PDE4B: variants seen among roughly 807,000 people sequenced by gnomAD.
PDE4B encodes phosphodiesterase 4B, also known as 3',5'-cyclic-AMP phosphodiesterase 4B.
PDE4B carries 20 observed loss-of-function variants against 82.2 expected under a neutral mutation model. That is an observed-to-expected ratio of 0.24 (90% CI 0.17 to 0.35). The LOEUF is 0.35. PDE4B is among the 10% of genes least tolerant of loss of function. PDE4B has a pLI of 1.00. For missense variants in PDE4B, 655 were observed against 907.2 expected (o/e 0.72, Z 3.57); for synonymous variants, 320 against 318.9 (o/e 1.00, Z -0.04).
chr1:66,034,008 C>A (rs1653940637), intron 3 of PDE4B, among the ~76,000 whole-genome samples: 1 of 152,126 alleles, frequency 6.6e-6, no homozygotes, highest in Non-Finnish European at 1.5e-5. Context: ...TCAGAATTCT[C>A]TCCCTTAATC....
At chr1:66,022,523 T>C (rs931238800) in intron 3 of PDE4B, among the ~76,000 whole-genome samples, 2 of 152,220 alleles carry the variant, frequency 1.3e-5, no homozygotes, top group Non-Finnish European at 2.9e-5. Flanking sequence ...TGTAGGGCTG[T>C]TGAATTTTGT....
chr1:66,293,227 A>G (rs1657240805), intron 7 of PDE4B, among the ~76,000 whole-genome samples: 1 of 152,152 alleles, frequency 6.6e-6, no homozygotes, highest in Non-Finnish European at 1.5e-5. Flanking sequence ...GCTTGCTTGG[A>G]CAAGTGTCTC....
intron 6 of PDE4B, among the ~76,000 whole-genome samples, chr1:66,262,425 G>A (rs1654751116): frequency 6.6e-6 from 1 of 152,204 alleles, no homozygotes; most frequent in South Asian, 2.1e-4. Flanking sequence ...GCCAGGATTA[G>A]GATTCCTGTC....
chr1:66,118,220 G>A lies in PDE4B; in HGVS notation c.282-129240G>A, dbSNP rs1462708507. ...ATTTGACCCAGCCATCCCATTACTGGGTATATGCCCAAAGGATTATAAATC... is the reference window on the plus strand; with the variant it reads ...ATTTGACCCAGCCATCCCATTACTGAGTATATGCCCAAAGGATTATAAATC... On this transcript the variant is annotated intron_variant, in intron 3 of 16. Coordinates refer to ENST00000341517, the MANE Select transcript of PDE4B (RefSeq NM_002600.4). 2.0e-5 allele frequency among the ~76,000 whole-genome samples: 3 copies of A among 151,964 alleles called. No individual in the cohort carries two copies. The East Asian group carries it at 5.8e-4, about 29-fold the overall frequency.
chr1:66,337,715 C>T (rs770035582), intron 8 of PDE4B, among the ~76,000 whole-genome samples: 30 of 152,166 alleles, frequency 2.0e-4, no homozygotes, highest in Non-Finnish European at 2.9e-4. Flanking sequence ...TTTAGACTTA[C>T]AGTGTGTGGC....
At chr1:66,201,580 G>T (rs1084484) in intron 3 of PDE4B, among the ~76,000 whole-genome samples, 1 of 147,116 alleles carries the variant, frequency 6.8e-6, no homozygotes, top group South Asian at 2.2e-4. Context: ...TTGGGAGGGC[G>T]TATGTGTCGA....
At chr1:66,181,672 C>A (rs2101405752) in intron 3 of PDE4B, among the ~76,000 whole-genome samples, 1 of 152,134 alleles carries the variant, frequency 6.6e-6, no homozygotes, top group Non-Finnish European at 1.5e-5. Context: ...ATTTTTACTC[C>A]CAATCTTCTC....
intron 6 of PDE4B, among the ~76,000 whole-genome samples, chr1:66,262,189 A>T (rs181793433): frequency 1.1e-4 from 17 of 152,338 alleles, no homozygotes; most frequent in Admixed American, 9.8e-4. Flanking sequence ...TTGGCATGTG[A>T]ATTAAATTAA....
At chr1:65,874,050 C>A (rs540655486) in intron 1 of PDE4B, among the ~76,000 whole-genome samples, 3 of 151,838 alleles carry the variant, frequency 2.0e-5, no homozygotes, top group Admixed American at 2.0e-4. Flanking sequence ...TACCCATGAG[C>A]ACGGAATGTT....
chr1:66,364,534 C>G (rs1198524980), intron 12 of PDE4B, among the ~76,000 whole-genome samples: 3 of 152,126 alleles, frequency 2.0e-5, no homozygotes, highest in African/African-American at 4.8e-5. Flanking sequence ...ACTGGCCATG[C>G]CCTGTCCAGC....
intron 3 of PDE4B, among the ~76,000 whole-genome samples, chr1:66,025,400 C>T (rs78216657): frequency 0.021 from 3,197 of 152,168 alleles, 114 homozygotes; most frequent in African/African-American, 0.073. Context: ...TTCCTTATCT[C>T]TTTACAAGCC....
chr1:66,078,947 C>G (rs1656576368), intron 3 of PDE4B, among the ~76,000 whole-genome samples: 1 of 152,072 alleles, frequency 6.6e-6, no homozygotes, highest in Admixed American at 6.6e-5. Flanking sequence ...ATCTAACCCC[C>G]ACAATCCACT....
In PDE4B at chr1:66,200,430, C is replaced by A. The variant is rs531944302; in HGVS notation, c.282-47030C>A. Among the ~76,000 whole-genome samples the A allele has an allele frequency of 2.6e-3, 397 of 152,242 alleles. 3 individuals are homozygous for A. The highest frequency in any genetic ancestry group is 9.2e-3 in the African/African-American group (381 of 41,530). Reference sequence around the variant, plus strand: ...GGATGGCACTGAATCTATAAATTACCTTGGGCAGTATGGCCATTTTCACGA... The same window carrying A: ...GGATGGCACTGAATCTATAAATTACATTGGGCAGTATGGCCATTTTCACGA... On this transcript the variant is annotated intron_variant, in intron 3 of 16. Coordinates refer to ENST00000341517, the MANE Select transcript of PDE4B (RefSeq NM_002600.4).
chr1:65,839,527 C>A (rs1008138032), intron 1 of PDE4B, among the ~76,000 whole-genome samples: 1 of 151,998 alleles, frequency 6.6e-6, no homozygotes, highest in Non-Finnish European at 1.5e-5. Flanking sequence ...GTGTTTGGTT[C>A]TCTGTTCTTG....
intron 7 of PDE4B, among the ~76,000 whole-genome samples, chr1:66,331,559 CACA>C (rs1325307770): frequency 1.3e-5 from 2 of 152,130 alleles, no homozygotes; most frequent in African/African-American, 2.4e-5. Flanking sequence ...ATGTGATTTT[CACA>C]ACAATATTTT....
chr1:65,924,144 G>A (rs1455293072), intron 3 of PDE4B, among the ~76,000 whole-genome samples: 1 of 114,352 alleles, frequency 8.7e-6, no homozygotes, highest in Non-Finnish European at 1.8e-5. Flanking sequence ...GCGGGATCTC[G>A]GCTCACTGCA....
chr1:66,048,232 C>T (rs973112106), intron 3 of PDE4B, among the ~76,000 whole-genome samples: 3 of 151,926 alleles, frequency 2.0e-5, no homozygotes, highest in Admixed American at 6.6e-5. Context: ...CCAGGCATCA[C>T]TTGTATTTAT....
chr1:66,246,494 G>C (rs1342747577), intron 3 of PDE4B, among the ~76,000 whole-genome samples: 1 of 152,220 alleles, frequency 6.6e-6, no homozygotes, highest in Non-Finnish European at 1.5e-5. Context: ...GGAGCAGTGA[G>C]AGTTCTGGAG....
chr1:66,021,092 C>T (rs1653079882), intron 3 of PDE4B, among the ~76,000 whole-genome samples: 1 of 152,134 alleles, frequency 6.6e-6, no homozygotes, highest in Non-Finnish European at 1.5e-5. Context: ...TTTCATGTGT[C>T]TGTTGGCTGC....
Sources: gnomAD v4.1 joint callset for allele counts (sites outside exome capture counted in the v4.1 genomes callset) on GRCh38, gnomAD v4.1.1 for gene constraint, MANE v1.5 for transcripts, NCBI Gene and HGNC (gene_info 2026-07-23, HGNC 2026-07-21) for gene names.